Variants in AKAP19 observed in about 807,000 individuals in gnomAD.
AKAP19 encodes A-kinase anchoring protein 19.
the AKAP19 span, among the ~76,000 whole-genome samples, chr2:190,165,399 T>C: frequency 6.6e-6 from 1 of 152,132 alleles, no homozygotes; most frequent in Admixed American, 6.5e-5. Context: ...ATCCTGCCAC[T>C]GTACTCCAGC....
At chr2:190,106,345 A>C in the AKAP19 span, among the ~76,000 whole-genome samples, 12 of 152,196 alleles carry the variant, frequency 7.9e-5, no homozygotes, top group Non-Finnish European at 1.5e-4. Context: ...TGTAAAATAT[A>C]TTCAGTTTTA....
At chr2:190,035,692 G>T in the AKAP19 span, among the ~76,000 whole-genome samples, 1 of 150,232 alleles carries the variant, frequency 6.7e-6, no homozygotes, top group Non-Finnish European at 1.5e-5. Flanking sequence ...AGCCTTTTGT[G>T]TCTGGATTCT....
At chr2:190,034,988 T>A in the AKAP19 span, among the ~76,000 whole-genome samples, 1 of 152,122 alleles carries the variant, frequency 6.6e-6, no homozygotes, top group Admixed American at 6.5e-5. Context: ...TATTAACCAA[T>A]GGCCAGTCTT....
the AKAP19 span, among the ~76,000 whole-genome samples, chr2:190,054,060 T>C: frequency 6.6e-6 from 1 of 152,236 alleles, no homozygotes; most frequent in South Asian, 2.1e-4. Flanking sequence ...AAAGTTCAGA[T>C]AAGTGTACCA....
chr2:190,072,539 A>G, the AKAP19 span, among the ~76,000 whole-genome samples: 3 of 152,248 alleles, frequency 2.0e-5, no homozygotes, highest in African/African-American at 4.8e-5. Context: ...AAAAATTTGT[A>G]GTGAATGCTA....
At chr2:189,945,729 C>A in the AKAP19 span, among the ~76,000 whole-genome samples, 1 of 152,242 alleles carries the variant, frequency 6.6e-6, no homozygotes, top group Non-Finnish European at 1.5e-5. Flanking sequence ...GTTTTAAGTA[C>A]TTCCAGGGGT....
chr2:190,132,403 G>A, the AKAP19 span, among the ~76,000 whole-genome samples: 1 of 152,122 alleles, frequency 6.6e-6, no homozygotes, highest in African/African-American at 2.4e-5. Context: ...ATAAGGCAAG[G>A]CTACAGTAAT....
chr2:189,900,412 C>T, the AKAP19 span, among the ~76,000 whole-genome samples: 1,115 of 152,018 alleles, frequency 7.3e-3, 21 homozygotes, highest in African/African-American at 0.026. Context: ...TAGTTCTTAA[C>T]GGTCAGTGGA....
chr2:190,199,475 T>G, the AKAP19 span, among the ~76,000 whole-genome samples: 3 of 152,178 alleles, frequency 2.0e-5, no homozygotes, highest in Admixed American at 6.5e-5. Flanking sequence ...GTTTTCAGTT[T>G]TATAAAATAT....
At chr2:190,148,524 A>G in the AKAP19 span, among the ~76,000 whole-genome samples, 1 of 152,214 alleles carries the variant, frequency 6.6e-6, no homozygotes, top group South Asian at 2.1e-4. Flanking sequence ...GCTTCATAAA[A>G]TGAATTAGGG....
At chr2:189,933,346 T>C in the AKAP19 span, among the ~76,000 whole-genome samples, 1 of 152,042 alleles carries the variant, frequency 6.6e-6, no homozygotes, top group Admixed American at 6.6e-5. Flanking sequence ...AGCATTATGT[T>C]TGTCACACTT....
chr2:190,194,745 T>C, the AKAP19 span, among the ~76,000 whole-genome samples: 4,696 of 152,230 alleles, frequency 0.031, 247 homozygotes, highest in African/African-American at 0.11. Context: ...GTCTCCAGAG[T>C]CTTGCCATTT....
At chr2:190,062,542 C>T in the AKAP19 span, 4 of 1,613,196 alleles carry the variant, frequency 2.5e-6, no homozygotes, top group Non-Finnish European at 3.4e-6. Flanking sequence ...TCCACTGGAC[C>T]AGCAACAATC....
At chr2:190,096,971 G>A in the AKAP19 span, among the ~76,000 whole-genome samples, 2,073 of 152,250 alleles carry the variant, frequency 0.014, 49 homozygotes, top group African/African-American at 0.047. Context: ...TCTTGATACT[G>A]TTACACTGGG....
At chr2:189,940,759 C>T in the AKAP19 span, among the ~76,000 whole-genome samples, 1,602 of 151,960 alleles carry the variant, frequency 0.011, 80 homozygotes, top group East Asian at 0.14. Context: ...GGCGTGGTGG[C>T]GGACACCTAT....
At chr2:189,933,350 C>G in the AKAP19 span, among the ~76,000 whole-genome samples, 1 of 151,874 alleles carries the variant, frequency 6.6e-6, no homozygotes, top group African/African-American at 2.4e-5. Context: ...TTATGTTTGT[C>G]ACACTTAATA....
the AKAP19 span, among the ~76,000 whole-genome samples, chr2:189,891,317 G>A: frequency 2.1e-5 from 3 of 140,392 alleles, no homozygotes; most frequent in African/African-American, 5.5e-5. Flanking sequence ...TCTGCCTCCC[G>A]GGTTCAAGCG....
the AKAP19 span, among the ~76,000 whole-genome samples, chr2:190,154,899 G>C: frequency 9.5e-4 from 144 of 152,322 alleles, no homozygotes; most frequent in African/African-American, 3.3e-3. Flanking sequence ...GAGTGTAGAA[G>C]AGATCTGTGT....
At chr2:189,938,069 C>T in the AKAP19 span, among the ~76,000 whole-genome samples, 5 of 152,082 alleles carry the variant, frequency 3.3e-5, no homozygotes, top group South Asian at 8.3e-4. Context: ...GGTGCGGTGG[C>T]TCATGCCTAT....
Sources: gnomAD v4.1 joint callset for allele counts (sites outside exome capture counted in the v4.1 genomes callset) on GRCh38, gnomAD v4.1.1 for gene constraint, MANE v1.5 for transcripts, NCBI Gene and HGNC (gene_info 2026-07-23, HGNC 2026-07-21) for gene names.